Variants in CFH observed in about 807,000 individuals in gnomAD.
CFH encodes complement factor H, also known as H factor 1 (complement).
Under a neutral mutation model 147.3 loss-of-function variants are expected in CFH, and 53 were observed. That is an observed-to-expected ratio of 0.36 (90% CI 0.29 to 0.45). The LOEUF (loss-of-function observed/expected upper bound fraction) is 0.45, where lower values mean the gene tolerates loss of function less well. CFH is among the 20% of genes least tolerant of loss of function. The probability of loss-of-function intolerance (pLI) is 1.00; values close to 1 mark genes in which losing one functional copy is unlikely to be tolerated. For missense variants in CFH, 1,380 were observed against 1,498.0 expected (o/e 0.92, Z 1.30); for synonymous variants, 536 against 489.4 (o/e 1.10, Z -1.26).
intron 2 of CFH, 134 bp downstream of exon 2, chr1:196,673,297 T>G (rs939233844): frequency 1.5e-5 from 14 of 916,702 alleles, no homozygotes; most frequent in Non-Finnish European, 2.3e-5. Context: ...ATCTTTTTTT[T>G]TTGTTTTGAG....
chr1:196,707,310 C>A (rs141708082), intron 9 of CFH, among the ~76,000 whole-genome samples: 1 of 152,126 alleles, frequency 6.6e-6, no homozygotes, highest in South Asian at 2.1e-4. Context: ...ATCATTCTTC[C>A]GTTACCTTCT....
chr1:196,701,475 C>A, intron 9 of CFH: 2 of 1,259,906 alleles, frequency 1.6e-6, no homozygotes, highest in East Asian at 2.4e-5. Flanking sequence ...GTGTATTATT[C>A]CAGCCAGAAT....
intron 7 of CFH, among the ~76,000 whole-genome samples, chr1:196,688,953 A>G (rs569149359): frequency 2.0e-5 from 3 of 152,198 alleles, no homozygotes; most frequent in East Asian, 3.9e-4. Context: ...AAATCCCTCA[A>G]AATACTACTT....
chr1:196,745,695 T>A, intron 20 of CFH, 122 bp from the exon 21 acceptor site: 1 of 1,397,396 alleles, frequency 7.2e-7, no homozygotes. Flanking sequence ...GACTCATTTC[T>A]TTCACCAGAA....
At chr1:196,692,337 T>TGTCA in intron 9 of CFH, 1 of 692,946 alleles carries the variant, frequency 1.4e-6, no homozygotes, top group Non-Finnish European at 1.8e-6. Flanking sequence ...CATCATTCAG[T>TGTCA]GTCAGATGAT....
At chr1:196,729,307 A>G (rs1453888653) in intron 15 of CFH, among the ~76,000 whole-genome samples, 1 of 152,016 alleles carries the variant, frequency 6.6e-6, no homozygotes, top group Non-Finnish European at 1.5e-5. Context: ...TTTTTTCTTG[A>G]AGTTTTATAG....
intron 9 of CFH, 119 bp downstream of exon 9, chr1:196,690,358 T>C (rs772372631): frequency 8.4e-6 from 12 of 1,434,640 alleles, no homozygotes; most frequent in Non-Finnish European, 1.2e-5. Context: ...GTTTTACCAA[T>C]GGACCTATTT....
intron 9 of CFH, among the ~76,000 whole-genome samples, chr1:196,694,336 C>A (rs1013795275): frequency 1.3e-5 from 2 of 152,146 alleles, no homozygotes; most frequent in African/African-American, 2.4e-5. Context: ...GACACGAACT[C>A]ATTCAATTTA....
intron 9 of CFH, among the ~76,000 whole-genome samples, chr1:196,707,246 G>A (rs941727355): frequency 2.0e-5 from 3 of 152,120 alleles, no homozygotes; most frequent in African/African-American, 4.8e-5. Context: ...TCAGAGTAAG[G>A]GTGGTCCCTA....
intron 9 of CFH, among the ~76,000 whole-genome samples, chr1:196,707,739 T>A (rs1425787783): frequency 1.3e-5 from 2 of 152,316 alleles, no homozygotes; most frequent in Non-Finnish European, 1.5e-5. Flanking sequence ...GCCTCAAATA[T>A]CTTTTGAGGA....
chr1:196,740,661 T>C lies in CFH; in HGVS notation c.2825T>C (p.Val942Ala), dbSNP rs1573079828. 2 of 1,614,044 alleles carry C rather than the reference T, an allele frequency of 1.2e-6. No homozygotes were observed. The highest frequency in any genetic ancestry group is 1.1e-5 in the South Asian group (1 of 91,078). ...CCACCTGAGATTTCTCATGGTGTTG[T>C]AGCTCACATGTCAGACAGTTATCAG... The part of the protein sequence containing the change: ...KSPPEISHGV[V>A]AHMSDSYQYG... Residue 942 changes from valine to alanine, a missense_variant, in exon 18 of 22, where the codon GTA becomes GCA. Val to Ala is a moderately conservative substitution (Grantham distance 64). Around this residue, in one of 4 missense-constraint regions of CFH, gnomAD observed 830 missense variants for 821.4 expected, o/e 1.01. Transcript: ENST00000367429.
rs185574247 is a variant in CFH at position 196,722,920 on chromosome 1, A to G, written c.1697-2201A>G. Reference sequence around the variant, plus strand: ...ATTCTTCAATGAATTTTTAATTTCCATAAGTTCTATTTGTTTTTTAAAAAA... The same window carrying G: ...ATTCTTCAATGAATTTTTAATTTCCGTAAGTTCTATTTGTTTTTTAAAAAA... On this transcript the variant is annotated intron_variant, in intron 11 of 21. Transcript: ENST00000367429. 7.7e-4 allele frequency among the ~76,000 whole-genome samples: 117 copies of G among 152,154 alleles called. 1 individual carries two copies. In the East Asian group the frequency reaches 0.021, roughly 27 times the overall value.
chr1:196,680,824 AT>A (rs1667626508), intron 6 of CFH, among the ~76,000 whole-genome samples: 2 of 151,902 alleles, frequency 1.3e-5, no homozygotes, highest in South Asian at 4.1e-4. Flanking sequence ...TTTTGGGTTA[AT>A]TTTATACACT....
intron 1 of CFH, among the ~76,000 whole-genome samples, chr1:196,656,786 T>G (rs545097251): frequency 6.6e-6 from 1 of 151,862 alleles, no homozygotes; most frequent in East Asian, 1.9e-4. Context: ...CATTAGAAAT[T>G]AGCTATTCAA....
Position 196,728,383 on chromosome 1 carries a change from AATT to A in CFH, c.2277_2279del (p.Ile760del). 6.3e-7 allele frequency: 1 copy of A among 1,579,042 alleles called. No homozygotes were observed. The highest frequency in any genetic ancestry group is 1.4e-5 in the African/African-American group (1 of 73,756). On this transcript the variant is annotated inframe_deletion, in exon 15 of 22. Transcript: ENST00000367429. ...TTAAGAAGTGCAAATCATCAAATTT[AATT>A]ATACTTGAGGAACATTTAAAAAACA... is the stretch of plus-strand genomic sequence containing the variant.
At chr1:196,703,434 A>G (rs557859643) in intron 9 of CFH, among the ~76,000 whole-genome samples, 19 of 152,186 alleles carry the variant, frequency 1.2e-4, no homozygotes, top group Non-Finnish European at 1.8e-4. Flanking sequence ...GAAAAAGACC[A>G]GAAATGGTAG....
At chr1:196,684,355 A>G (rs549574726) in intron 6 of CFH, among the ~76,000 whole-genome samples, 40 of 152,038 alleles carry the variant, frequency 2.6e-4, no homozygotes, top group African/African-American at 9.6e-4. Context: ...ATTTTATCCT[A>G]TTATAGTAAG....
chr1:196,679,795 T>C lies in CFH; in HGVS notation c.790+2T>C. 6.2e-7 allele frequency: 1 copy of C among 1,607,256 alleles called. No individual in the cohort carries two copies. The highest frequency in any genetic ancestry group is 1.1e-5 in the South Asian group (1 of 90,282). On this transcript the variant is annotated splice_donor_variant, in intron 6 of 21. Coordinates refer to ENST00000367429, the MANE Select transcript of CFH (RefSeq NM_000186.4). LOFTEE classifies it high-confidence loss of function. ...GGCGTCCGTTGCCTTCATGTGAAGG[T>C]AATGTTACCTTTATTTTCTGGATCT... is the stretch of plus-strand genomic sequence containing the variant.
intron 15 of CFH, among the ~76,000 whole-genome samples, chr1:196,731,615 T>C (rs116564523): frequency 1.4e-3 from 208 of 152,182 alleles, no homozygotes; most frequent in Non-Finnish European, 2.2e-3. Context: ...ATCTTCATGT[T>C]ACTAATTAGC....
Sources: gnomAD v4.1 joint callset for allele counts (sites outside exome capture counted in the v4.1 genomes callset) on GRCh38, gnomAD v4.1.1 for gene constraint, gnomAD v4.1.1 regional missense constraint, MANE v1.5 for transcripts, NCBI Gene and HGNC (gene_info 2026-07-23, HGNC 2026-07-21) for gene names.